The following INO80 variants were observed in gnomAD, a reference collection of about 807,000 sequenced individuals.
The protein encoded by INO80 is INO80 complex ATPase subunit.
Under a neutral mutation model 203.4 loss-of-function variants are expected in INO80, and 20 were observed. That is an observed-to-expected ratio of 0.10 (90% confidence interval 0.07 to 0.14). The LOEUF is 0.14. Ranked by LOEUF, INO80 falls within the 10% of genes least tolerant of loss-of-function variation. The pLI, the probability that INO80 is intolerant of heterozygous loss-of-function variation, is 1.00. For missense variants in INO80, 1,419 were observed against 1,914.4 expected (o/e 0.74, Z 4.83); for synonymous variants, 726 against 685.2 (o/e 1.06, Z -0.93).
chr15:41,057,384 C>A (rs1272545274), intron 16 of INO80, among the ~76,000 whole-genome samples: 1 of 150,548 alleles, frequency 6.6e-6, no homozygotes, highest in East Asian at 2.0e-4. Flanking sequence ...ACAGGGAGGT[C>A]GAGGCTGCAG....
At chr15:40,988,899 C>T (rs2043778514) in intron 29 of INO80, among the ~76,000 whole-genome samples, 2 of 152,092 alleles carry the variant, frequency 1.3e-5, no homozygotes, top group Non-Finnish European at 1.5e-5. Context: ...CCTGCAATCC[C>T]AGCTATCTGG....
Position 41,063,727 on chromosome 15 carries a change from C to T in INO80, c.1783-3801G>A, listed in dbSNP as rs1294543829. Among the ~76,000 whole-genome samples the T allele has an allele frequency of 3.3e-5, 5 of 152,040 alleles. No homozygotes were observed. In the East Asian group the frequency reaches 5.8e-4, roughly 18 times the overall value. ...CGGAGGTTGCAGTGAGCTGAGATTG[C>T]GCCACTGCACTCCAGCCTGGCGACA... On this transcript the variant is annotated intron_variant, in intron 14 of 35. Coordinates refer to ENST00000648947, the MANE Select transcript of INO80 (RefSeq NM_017553.3).
In INO80 at chr15:40,984,341, T is replaced by C; in HGVS notation, c.3933A>G (p.Glu1311=). ...TTCTCCTTTTCCCATCCAATTCATC[T>C]TCTTTTTTCTTCTGGGAACACACGG... ...REKYAEKKKK[E]DELDGKRRKE... is the part of the protein sequence containing the mutation. The change falls in exon 33 of 36, where the codon GAA becomes GAG. Residue 1311 remains glutamate, a synonymous_variant. Coordinates refer to ENST00000648947, the MANE Select transcript of INO80 (RefSeq NM_017553.3). The C allele has an allele frequency of 6.2e-7, 1 of 1,613,992 alleles. No homozygotes were observed. Among genetic ancestry groups the C allele is most frequent in the Non-Finnish European group, 8.5e-7 (1 of 1,179,872 alleles).
At chr15:40,989,797 C>G (rs984809876) in intron 29 of INO80, among the ~76,000 whole-genome samples, 2 of 152,180 alleles carry the variant, frequency 1.3e-5, no homozygotes, top group African/African-American at 4.8e-5. Flanking sequence ...TCTATTCTTT[C>G]CTAACACAAA....
intron 24 of INO80, among the ~76,000 whole-genome samples, chr15:41,028,076 C>G (rs1365594331): frequency 3.3e-5 from 5 of 152,136 alleles, no homozygotes; most frequent in African/African-American, 1.2e-4. Context: ...TCATCTGTTG[C>G]ACTGTGGATG....
intron 28 of INO80, among the ~76,000 whole-genome samples, chr15:41,002,645 TTCAC>T (rs2043974390): frequency 6.6e-6 from 1 of 152,244 alleles, no homozygotes; most frequent in Admixed American, 6.5e-5. Flanking sequence ...TTCTTATCCT[TTCAC>T]TCAGTAATTT....
intron 7 of INO80, among the ~76,000 whole-genome samples, chr15:41,081,851 C>T (rs1048473908): frequency 6.6e-6 from 1 of 151,888 alleles, no homozygotes; most frequent in Non-Finnish European, 1.5e-5. Flanking sequence ...GCACGTAAGA[C>T]AGCAAATTTA....
At chr15:41,018,308 T>G (rs2044240639) in intron 26 of INO80, 1 of 152,222 alleles carries the variant, frequency 6.6e-6, no homozygotes, top group South Asian at 2.1e-4. Flanking sequence ...TATTTCAAAA[T>G]CATGATTCAA....
At chr15:41,105,066 T>G (rs551059505) in intron 1 of INO80, among the ~76,000 whole-genome samples, 1 of 152,174 alleles carries the variant, frequency 6.6e-6, no homozygotes, top group African/African-American at 2.4e-5. Flanking sequence ...TAAGCATGAG[T>G]TGAACTGTAC....
intron 24 of INO80, chr15:41,028,012 A>G (rs113930324): frequency 9.3e-5 from 21 of 225,244 alleles, no homozygotes; most frequent in African/African-American, 4.1e-4. Flanking sequence ...AAACAGGCAC[A>G]GCAAAACTTC....
Position 40,982,908 on chromosome 15 carries a change from C to T in INO80, c.4407G>A (p.Ala1469=), listed in dbSNP as rs779348574. The change falls in exon 35 of 36, where the codon GCG becomes GCA. Residue 1469 remains alanine, a synonymous_variant. Coordinates refer to ENST00000648947, the MANE Select transcript of INO80 (RefSeq NM_017553.3). ...AMAGAKAGAA[A]ASAAAYAAYG... is the part of the protein sequence containing the mutation. ...ATGCGGCATAGGCAGCTGCAGAGGC[C>T]GCTGCAGCCCCGGCTTTGGCTCCTG... 1.4e-5 allele frequency: 22 copies of T among 1,613,818 alleles called. No individual in the cohort carries two copies. In the Middle Eastern group the frequency reaches 1.5e-3, roughly 111 times the overall value.
intron 1 of INO80, among the ~76,000 whole-genome samples, chr15:41,112,477 T>C (rs749913177): frequency 2.6e-5 from 4 of 152,138 alleles, no homozygotes; most frequent in Non-Finnish European, 4.4e-5. Context: ...TTTGATACGT[T>C]AGATCCAACT....
At chr15:41,010,280 T>C (rs1488590025) in intron 27 of INO80, among the ~76,000 whole-genome samples, 3 of 152,224 alleles carry the variant, frequency 2.0e-5, no homozygotes, top group East Asian at 1.9e-4. Flanking sequence ...TGGCAACCTT[T>C]AAGGTAGGTG....
intron 7 of INO80, among the ~76,000 whole-genome samples, 191 bp downstream of exon 7, chr15:41,085,178 G>C (rs895119048): frequency 2.0e-5 from 3 of 152,136 alleles, no homozygotes; most frequent in Non-Finnish European, 2.9e-5. Flanking sequence ...TAATTGTCTT[G>C]TGAATTCTGA....
chr15:41,115,626 C>A (rs1286543432), intron 1 of INO80, among the ~76,000 whole-genome samples: 2 of 152,160 alleles, frequency 1.3e-5, no homozygotes, highest in African/African-American at 2.4e-5. Flanking sequence ...TGCCCACCCC[C>A]AAACCTACAC....
chr15:41,063,055 G>C (rs532877711), intron 14 of INO80, among the ~76,000 whole-genome samples: 5 of 152,180 alleles, frequency 3.3e-5, no homozygotes, highest in Non-Finnish European at 5.9e-5. Context: ...TTTTAAAATA[G>C]GGTGGGCGCA....
intron 14 of INO80, among the ~76,000 whole-genome samples, chr15:41,063,654 A>G (rs759644590): frequency 2.0e-4 from 30 of 151,956 alleles, no homozygotes; most frequent in Admixed American, 3.9e-4. Context: ...TGCGCCTGTA[A>G]TCCCAGCTAC....
intron 27 of INO80, among the ~76,000 whole-genome samples, chr15:41,006,082 G>T (rs912438594): frequency 4.0e-5 from 6 of 151,444 alleles, no homozygotes; most frequent in African/African-American, 1.5e-4. Flanking sequence ...TGAAACGAAT[G>T]TGTTTCCCCA....
At chr15:41,076,786 A>G (rs1021414892) in intron 9 of INO80, among the ~76,000 whole-genome samples, 1 of 152,172 alleles carries the variant, frequency 6.6e-6, no homozygotes. Flanking sequence ...AAAAATAATC[A>G]TTGTGTCGAT....
Sources: gnomAD v4.1 joint callset for allele counts (sites outside exome capture counted in the v4.1 genomes callset) on GRCh38, gnomAD v4.1.1 for gene constraint, MANE v1.5 for transcripts, NCBI Gene and HGNC (gene_info 2026-07-23, HGNC 2026-07-21) for gene names.